The following EPB41L1 variants were observed in gnomAD, a reference collection of about 807,000 sequenced individuals.
EPB41L1 encodes the protein band 4.1-like protein 1.
Under a neutral mutation model 97.8 loss-of-function variants are expected in EPB41L1, and 29 were observed. The ratio of observed to expected loss-of-function variants is 0.30; its 90% CI spans 0.22 to 0.40. EPB41L1 has a LOEUF of 0.40. Among genes scored for constraint, EPB41L1 ranks in the 10% least tolerant of loss-of-function variants. EPB41L1 has a pLI of 1.00. For missense variants in EPB41L1, 812 were observed against 1,162.3 expected, an observed-to-expected ratio of 0.70 and a Z score of 4.38; for synonymous variants, 383 against 459.2, an observed-to-expected ratio of 0.83 and a Z score of 2.12.
Position 36,137,632 on chromosome 20 carries a change from C to A in EPB41L1, c.-10+25152C>A, listed in dbSNP as rs537896826. ...CTCCGCCTCCTGGGTTCAAGCGATT[C>A]TTCTGCCTCAGCCTCCTGAGTAGCT... On this transcript the variant is annotated intron_variant, in intron 2 of 19. Transcript: ENST00000202028. 4.3e-4 allele frequency among the ~76,000 whole-genome samples: 66 copies of A among 152,266 alleles called. 2 individuals are homozygous for A. Among genetic ancestry groups the A allele is most frequent in the African/African-American group, 1.5e-3 (64 of 41,564 alleles).
At chr20:36,225,733 AC>A (rs1401882065) in intron 21 of EPB41L1, among the ~76,000 whole-genome samples, 1 of 151,614 alleles carries the variant, frequency 6.6e-6, no homozygotes, top group African/African-American at 2.4e-5. Context: ...TCCCTCTCTC[AC>A]GCCTCCTCAT....
chr20:36,207,756 G>C lies in EPB41L1; in HGVS notation c.1669-1732G>C. On this transcript the variant is annotated intron_variant, in intron 14 of 21. Transcript: ENST00000338074. The surrounding 1 kb of genome is among the most constrained non-coding windows in gnomAD (Gnocchi z 4.9). ...CCCCCAATTCAGGCTGTGAAACCAC[G>C]CTGGCAGAAGCTACTGGAACTGGGG... The C allele has an allele frequency of 7.8e-7, 1 of 1,289,606 alleles. No homozygotes were observed. Among genetic ancestry groups the C allele is most frequent in the Non-Finnish European group, 1.0e-6 (1 of 988,666 alleles). The allele number at this position is 1,289,606 out of a possible 1,614,324, so 79.9% of individuals were successfully genotyped here.
At chr20:36,205,414 G>A (rs1344866180) in intron 14 of EPB41L1, among the ~76,000 whole-genome samples, 1 of 152,174 alleles carries the variant, frequency 6.6e-6, no homozygotes, top group Non-Finnish European at 1.5e-5. Flanking sequence ...ATGGAAATGA[G>A]ACTGGATAAC....
intron 14 of EPB41L1, among the ~76,000 whole-genome samples, chr20:36,199,507 G>A (rs1013187834): frequency 2.0e-5 from 3 of 152,206 alleles, no homozygotes; most frequent in Non-Finnish European, 2.9e-5. Flanking sequence ...GATAACAGAC[G>A]GCTTTGTCTA....
Position 36,154,925 on chromosome 20 carries a change from T to C in EPB41L1, c.-15+29T>C, listed in dbSNP as rs2060224817. ...GGCACATGGGGGAATCAGGTGGCTC[T>C]CGGGGCCGGGGGCTTGCAACATCTA... On this transcript the variant is annotated intron_variant, in intron 1 of 21. Transcript: ENST00000338074. The surrounding 1 kb of genome is among the most constrained non-coding windows in gnomAD (Gnocchi z 5.5). 9.1e-7 allele frequency: 1 copy of C among 1,098,954 alleles called. No individual in the cohort carries two copies. The highest frequency in any genetic ancestry group is 1.1e-6 in the Non-Finnish European group (1 of 893,948). 68.1% of individuals were successfully genotyped at this position (1,098,954 alleles called of 1,614,324 possible).
intron 11 of EPB41L1, among the ~76,000 whole-genome samples, chr20:36,192,159 G>A (rs1600852602): frequency 6.6e-6 from 1 of 151,978 alleles, no homozygotes; most frequent in Non-Finnish European, 1.5e-5. Context: ...CTGGGAGGCA[G>A]AGGTTGCAGT....
chr20:36,136,798 G>A (rs2059434789), intron 2 of EPB41L1, among the ~76,000 whole-genome samples: 1 of 151,250 alleles, frequency 6.6e-6, no homozygotes, highest in Admixed American at 6.6e-5. Context: ...TGCCCAGGCT[G>A]GTCTTGAACT....
In EPB41L1 at chr20:36,190,708, G is replaced by A. The variant is rs746797901; in HGVS notation, c.1211G>A (p.Arg404His). 3 of 1,614,104 alleles carry A rather than the reference G, an allele frequency of 1.9e-6. No individual in the cohort carries two copies. The highest frequency in any genetic ancestry group is 1.7e-6 in the Non-Finnish European group (2 of 1,180,020). ...RYSGRTQAQT[R>H]QASALIDRPA... is the part of the protein sequence containing the mutation. ...AGTGGGAGGACCCAGGCACAGACTC[G>A]CCAGGCCAGCGCCCTCATTGACCGG... Residue 404 changes from arginine (R) to histidine (H), a missense_variant, in exon 11 of 22, where the codon CGC becomes CAC. Physicochemically the swap from Arg to His is conservative, Grantham distance 29. This residue lies in a region of EPB41L1 where 230 missense variants were observed against 445.2 expected (regional missense o/e 0.52). Transcript: ENST00000338074. The surrounding 1 kb of genome is among the most constrained non-coding windows in gnomAD (Gnocchi z 5.8).
intron 2 of EPB41L1, among the ~76,000 whole-genome samples, chr20:36,136,508 AC>A (rs917877702): frequency 2.0e-5 from 3 of 151,512 alleles, no homozygotes; most frequent in Admixed American, 6.6e-5. Flanking sequence ...GTAAGTGTAC[AC>A]TTCAGTAGTG....
In EPB41L1 at chr20:36,093,460, G is replaced by A. The variant is rs1457018623; in HGVS notation, c.-65+1848G>A. Reference sequence around the variant, plus strand: ...CTTCGCACTGCCGGGAGGAAGCGGTGGGGGCGGCGGTCCAGGCGCCGCCGC... The same window carrying A: ...CTTCGCACTGCCGGGAGGAAGCGGTAGGGGCGGCGGTCCAGGCGCCGCCGC... On this transcript the variant is annotated intron_variant, in intron 1 of 19. Coordinates refer to the EPB41L1 transcript ENST00000202028. The surrounding 1 kb of genome is among the most constrained non-coding windows in gnomAD (Gnocchi z 5.4). Among the ~76,000 whole-genome samples, 1 of 151,728 alleles carries A rather than the reference G, an allele frequency of 6.6e-6. No homozygotes were observed. Among genetic ancestry groups the A allele is most frequent in the Non-Finnish European group, 1.5e-5 (1 of 67,890 alleles).
At position 36,132,574 on chromosome 20, in the gene EPB41L1, G is replaced by C. The variant is rs6119697; in HGVS notation, c.-10+20094G>C. Among the ~76,000 whole-genome samples, 25 of 116,612 alleles carry C rather than the reference G, an allele frequency of 2.1e-4. 1 individual carries two copies. The highest frequency in any genetic ancestry group is 1.4e-3 in the South Asian group (4 of 2,944). The allele number at this position is 116,612 out of a possible 152,430, so 76.5% of individuals were successfully genotyped here. On this transcript the variant is annotated intron_variant, in intron 2 of 19. Coordinates refer to the EPB41L1 transcript ENST00000202028. ...CATGGACATCTTTGTGGGCGGGGGGGGGGGGCGCATTATTATGCCTGCCAC... is the reference window on the plus strand; with the variant it reads ...CATGGACATCTTTGTGGGCGGGGGGCGGGGGCGCATTATTATGCCTGCCAC...
intron 1 of EPB41L1, among the ~76,000 whole-genome samples, chr20:36,095,991 G>C (rs986724307): frequency 1.3e-5 from 2 of 150,878 alleles, no homozygotes; most frequent in Non-Finnish European, 2.9e-5. Context: ...GCATCACTGC[G>C]CACCAGCCTG....
Position 36,209,926 on chromosome 20 carries a change from G to A in EPB41L1, c.2079+28G>A. On this transcript the variant is annotated intron_variant, in intron 15 of 21. Transcript: ENST00000338074. This position sits in a 1 kb window ranked among gnomAD's most constrained non-coding sequence, Gnocchi z 4.2. ...ACAGTGGAGCTTCCTCAAGAGCCAG[G>A]CCCGCTGGGCACCGCATGCTCAGAG... 2 of 1,610,546 alleles carry A rather than the reference G, an allele frequency of 1.2e-6. No individual in the cohort carries two copies. The highest frequency in any genetic ancestry group is 1.7e-6 in the Non-Finnish European group (2 of 1,179,074).
chr20:36,158,175 C>T (rs1194450046), intron 1 of EPB41L1, among the ~76,000 whole-genome samples: 1 of 152,160 alleles, frequency 6.6e-6, no homozygotes, highest in Non-Finnish European at 1.5e-5. Flanking sequence ...CAGTGTGGGT[C>T]AGAGCCATGT....
intron 21 of EPB41L1, among the ~76,000 whole-genome samples, chr20:36,224,344 AC>A (rs1309850231): frequency 8.5e-5 from 13 of 152,358 alleles, no homozygotes; most frequent in African/African-American, 2.9e-4. Context: ...GGTAAAATGT[AC>A]TATTAAAATT....
chr20:36,123,087 G>C (rs1242001524), intron 2 of EPB41L1, among the ~76,000 whole-genome samples: 4 of 151,872 alleles, frequency 2.6e-5, no homozygotes, highest in Non-Finnish European at 5.9e-5. Context: ...CCTAGAGATG[G>C]GGCTTTCTCT....
chr20:36,223,021 C>T (rs1367945693), intron 21 of EPB41L1, among the ~76,000 whole-genome samples: 1 of 152,130 alleles, frequency 6.6e-6, no homozygotes, highest in Non-Finnish European at 1.5e-5. Context: ...CTCAGCCTCC[C>T]GAGCAGCTGG....
intron 2 of EPB41L1, among the ~76,000 whole-genome samples, chr20:36,118,747 A>G (rs1166337877): frequency 6.6e-6 from 1 of 152,224 alleles, no homozygotes; most frequent in Non-Finnish European, 1.5e-5. Flanking sequence ...TATTTGTTGA[A>G]TGAATGCATT....
chr20:36,128,860 G>A (rs1053085480), intron 2 of EPB41L1, among the ~76,000 whole-genome samples: 1 of 152,158 alleles, frequency 6.6e-6, no homozygotes, highest in African/African-American at 2.4e-5. Flanking sequence ...GTCTGTCACA[G>A]GTGTGGTGGG....
Sources: gnomAD v4.1 joint callset for allele counts (sites outside exome capture counted in the v4.1 genomes callset) on GRCh38, gnomAD v4.1.1 for gene constraint, gnomAD v4.1.1 regional missense constraint, Gnocchi (gnomAD v3.1) non-coding constraint, MANE v1.5 for transcripts, NCBI Gene and HGNC (gene_info 2026-07-23, HGNC 2026-07-21) for gene names.